Variants in PRKN observed in about 807,000 individuals in gnomAD.
The protein encoded by PRKN is E3 ubiquitin-protein ligase parkin.
A neutral mutation model predicts 59.5 loss-of-function variants in PRKN; 56 were observed. The ratio of observed to expected loss-of-function variants is 0.94; its 90% CI spans 0.76 to 1.18. The LOEUF (loss-of-function observed/expected upper bound fraction) is 1.18, where lower values mean the gene tolerates loss of function less well. Among genes scored for constraint, PRKN ranks in the 50% most tolerant of loss-of-function variants. The pLI, the probability that PRKN is intolerant of heterozygous loss-of-function variation, is 0.00. For missense variants in PRKN, 657 were observed against 596.4 expected, an observed-to-expected ratio of 1.10 and a Z score of -1.06; for synonymous variants, 250 against 222.1, an observed-to-expected ratio of 1.13 and a Z score of -1.12.
chr6:162,567,595 A>G (rs1780136845), intron 1 of PRKN, among the ~76,000 whole-genome samples: 1 of 144,854 alleles, frequency 6.9e-6, no homozygotes, highest in African/African-American at 2.7e-5. Flanking sequence ...GAAAACTATA[A>G]AACACTAATG....
At chr6:162,152,612 G>A (rs2128314072) in intron 4 of PRKN, among the ~76,000 whole-genome samples, 1 of 152,316 alleles carries the variant, frequency 6.6e-6, no homozygotes, top group Admixed American at 6.5e-5. Context: ...GAGGAAGGAA[G>A]ACTTGGTATC....
intron 2 of PRKN, among the ~76,000 whole-genome samples, chr6:162,421,307 A>G (rs1266281451): frequency 6.6e-6 from 1 of 152,126 alleles, no homozygotes; most frequent in Non-Finnish European, 1.5e-5. Context: ...TGAAGATCAG[A>G]TGTTATCCTG....
chr6:161,570,144 A>ATATAT (rs57977814), intron 7 of PRKN, among the ~76,000 whole-genome samples: 14 of 121,782 alleles, frequency 1.1e-4, no homozygotes, highest in African/African-American at 4.4e-4. Flanking sequence ...AAAAAAAAAA[A>ATATAT]AAATATATAT....
chr6:162,613,428 A>G (rs1469147638), intron 1 of PRKN, among the ~76,000 whole-genome samples: 4 of 152,228 alleles, frequency 2.6e-5, no homozygotes, highest in Non-Finnish European at 4.4e-5. Flanking sequence ...GACAAACCAT[A>G]GATTTGTAAT....
At chr6:161,421,002 A>G (rs1788078506) in intron 9 of PRKN, among the ~76,000 whole-genome samples, 1 of 152,166 alleles carries the variant, frequency 6.6e-6, no homozygotes, top group Non-Finnish European at 1.5e-5. Flanking sequence ...CTAATTTTGT[A>G]TGTGAACCAT....
At chr6:162,391,734 A>T (rs971079443) in intron 2 of PRKN, among the ~76,000 whole-genome samples, 1 of 152,204 alleles carries the variant, frequency 6.6e-6, no homozygotes, top group Non-Finnish European at 1.5e-5. Flanking sequence ...TCCACACTGC[A>T]TCACTTCCAG....
At chr6:162,349,417 A>T (rs1371065302) in intron 2 of PRKN, among the ~76,000 whole-genome samples, 1 of 152,198 alleles carries the variant, frequency 6.6e-6, no homozygotes, top group Non-Finnish European at 1.5e-5. Flanking sequence ...CAGTGAGCTG[A>T]GATCGCGCCA....
intron 1 of PRKN, among the ~76,000 whole-genome samples, chr6:162,483,350 T>A (rs1280351519): frequency 6.6e-6 from 1 of 152,114 alleles, no homozygotes; most frequent in Non-Finnish European, 1.5e-5. Flanking sequence ...GTAAAAGAAG[T>A]TATGCCTATG....
rs562441448 is a variant in PRKN at position 162,291,843 on chromosome 6, G to A, written c.172-29078C>T. On this transcript the variant is annotated intron_variant, in intron 2 of 11. Transcript: ENST00000366898. Reference sequence around the variant, plus strand: ...TTGGGATTTGGTCAGGAAATGAAGCGTTGAAGACAAACAAGATGTTCTAAT... The same window carrying A: ...TTGGGATTTGGTCAGGAAATGAAGCATTGAAGACAAACAAGATGTTCTAAT... Among the ~76,000 whole-genome samples, 74 of 152,114 alleles carry A rather than the reference G, an allele frequency of 4.9e-4. No homozygotes were observed. In the Middle Eastern group the frequency reaches 0.017, roughly 35 times the overall value.
At chr6:161,941,894 G>A (rs1440406498) in intron 6 of PRKN, among the ~76,000 whole-genome samples, 3 of 152,154 alleles carry the variant, frequency 2.0e-5, no homozygotes, top group Non-Finnish European at 4.4e-5. Context: ...AAGGGTGAGT[G>A]TACAATTTTA....
chr6:162,125,139 T>C (rs1305408860), intron 4 of PRKN, among the ~76,000 whole-genome samples: 1 of 152,186 alleles, frequency 6.6e-6, no homozygotes, highest in Non-Finnish European at 1.5e-5. Flanking sequence ...TTAATAAGAA[T>C]GACACTAACA....
chr6:161,379,114 T>C lies in PRKN; in HGVS notation c.1167+7680A>G, dbSNP rs1785857998. On this transcript the variant is annotated intron_variant, in intron 10 of 11. Coordinates refer to ENST00000366898, the MANE Select transcript of PRKN (RefSeq NM_004562.3). This position sits in a 1 kb window ranked among gnomAD's most constrained non-coding sequence, Gnocchi z 4.9. ...AGGGCTGCAGTTATAGAATGGGGTATTTAAATGGGAAGAATGCATTTGGCA... is the reference window on the plus strand; with the variant it reads ...AGGGCTGCAGTTATAGAATGGGGTACTTAAATGGGAAGAATGCATTTGGCA... 6.6e-6 allele frequency among the ~76,000 whole-genome samples: 1 copy of C among 152,094 alleles called. No homozygotes were observed. The highest frequency in any genetic ancestry group is 1.5e-5 in the Non-Finnish European group (1 of 67,998).
chr6:162,449,586 AT>A (rs1280717896), intron 1 of PRKN, among the ~76,000 whole-genome samples: 3 of 151,664 alleles, frequency 2.0e-5, no homozygotes, highest in Admixed American at 2.0e-4. Context: ...TTTATTATTT[AT>A]TTTTATTTTT....
chr6:161,660,421 T>C (rs1187423628), intron 7 of PRKN, among the ~76,000 whole-genome samples: 1 of 152,020 alleles, frequency 6.6e-6, no homozygotes, highest in Non-Finnish European at 1.5e-5. Flanking sequence ...ACAGGCACAA[T>C]TCTAAAAACC....
At chr6:162,727,412 T>C in intron 1 of PRKN, 1 of 477,872 alleles carries the variant, frequency 2.1e-6, no homozygotes, top group Non-Finnish European at 3.7e-6. Flanking sequence ...GGCGTCCCCG[T>C]CGAGGCGGTC....
intron 1 of PRKN, among the ~76,000 whole-genome samples, chr6:162,686,908 A>G (rs1777579350): frequency 6.6e-6 from 1 of 152,084 alleles, no homozygotes; most frequent in African/African-American, 2.4e-5. Context: ...CTGTTGTTTT[A>G]GTTACTGTAG....
At chr6:162,245,808 G>T (rs1192338623) in intron 3 of PRKN, among the ~76,000 whole-genome samples, 2 of 152,110 alleles carry the variant, frequency 1.3e-5, no homozygotes, top group Admixed American at 6.6e-5. Context: ...TGCCTTGATA[G>T]TCTGACTGGC....
chr6:161,482,839 TAAAAC>T (rs1008291860), intron 9 of PRKN, among the ~76,000 whole-genome samples: 2 of 152,220 alleles, frequency 1.3e-5, no homozygotes, highest in African/African-American at 4.8e-5. Flanking sequence ...TTTTTGGTAT[TAAAAC>T]AAAAGGCCAT....
At chr6:161,570,197 T>C (rs1236545600) in intron 7 of PRKN, among the ~76,000 whole-genome samples, 2 of 140,268 alleles carry the variant, frequency 1.4e-5, no homozygotes, top group Admixed American at 1.4e-4. Flanking sequence ...TTAAAATACG[T>C]ATGTATAAAA....
Sources: gnomAD v4.1 joint callset for allele counts (sites outside exome capture counted in the v4.1 genomes callset) on GRCh38, gnomAD v4.1.1 for gene constraint, Gnocchi (gnomAD v3.1) non-coding constraint, MANE v1.5 for transcripts, NCBI Gene and HGNC (gene_info 2026-07-23, HGNC 2026-07-21) for gene names.